The following GPATCH8 variants were observed in gnomAD, a reference collection of about 807,000 sequenced individuals.
The protein encoded by GPATCH8 is G patch domain-containing protein 8.
In GPATCH8, 18 loss-of-function variants were observed where a neutral mutation model predicts 118.3. The observed-to-expected ratio is 0.15, with a 90% CI of 0.11 to 0.23. GPATCH8 has a LOEUF of 0.23. Ranked by LOEUF, GPATCH8 falls within the 10% of genes least tolerant of loss-of-function variation. The probability of loss-of-function intolerance (pLI) is 1.00; values close to 1 mark genes in which losing one functional copy is unlikely to be tolerated. For missense variants in GPATCH8, 1,631 were observed against 1,873.8 expected (o/e 0.87, Z 2.39); for synonymous variants, 659 against 684.7 (o/e 0.96, Z 0.59).
intron 6 of GPATCH8, among the ~76,000 whole-genome samples, chr17:44,414,973 C>T (rs917912336): frequency 2.6e-5 from 4 of 152,144 alleles, no homozygotes; most frequent in East Asian, 3.9e-4. Context: ...TATCCATTTA[C>T]CAGTTGATGG....
At chr17:44,414,083 G>A (rs1305349363) in intron 6 of GPATCH8, among the ~76,000 whole-genome samples, 7 of 141,608 alleles carry the variant, frequency 4.9e-5, no homozygotes, top group Admixed American at 1.5e-4. Flanking sequence ...ATATATATGT[G>A]TGTGTATATA....
chr17:44,435,327 G>C (rs2050461425), intron 4 of GPATCH8, among the ~76,000 whole-genome samples, 176 bp from the exon 5 acceptor site: 1 of 149,262 alleles, frequency 6.7e-6, no homozygotes, highest in South Asian at 2.1e-4. Flanking sequence ...AAAATAGTTT[G>C]TTACTTTCAG....
rs761603593 is a variant in GPATCH8 at position 44,395,892 on chromosome 17, T to C, written c.*1676A>G. The C allele has an allele frequency of 6.1e-4, 279 of 454,090 alleles. 2 individuals are homozygous for C. Among genetic ancestry groups the C allele is most frequent in the Middle Eastern group, 6.9e-4 (1 of 1,444 alleles). 28.1% of individuals were successfully genotyped at this position (454,090 alleles called of 1,614,324 possible). A position where few individuals can be genotyped will look rare whatever the true frequency, so the allele number is the denominator to read the frequency against. On this transcript the variant is annotated 3_prime_UTR_variant, in exon 8 of 8. Coordinates refer to ENST00000591680, the MANE Select transcript of GPATCH8 (RefSeq NM_001002909.4). ...CAACACAAGCACCTTTGGGTCAGTG[T>C]GTTAATTAGGGCTGAGAGCCTGGGT...
chr17:44,435,229 C>T lies in GPATCH8; in HGVS notation c.262-78G>A. 3 of 766,044 alleles carry T rather than the reference C, an allele frequency of 3.9e-6. No homozygotes were observed. In the South Asian group the frequency reaches 4.2e-5, roughly 11 times the overall value. The allele number at this position is 766,044 out of a possible 1,614,324, so 47.5% of individuals were successfully genotyped here. On this transcript the variant is annotated intron_variant, in intron 4 of 7. Transcript: ENST00000591680. ...AGCTATGAAAAAGTTATTTGCACAA[C>T]TACAGTATTATCTGAAAACAAAAAA...
chr17:44,460,787 C>A (rs1281403795), intron 3 of GPATCH8, among the ~76,000 whole-genome samples: 1 of 152,076 alleles, frequency 6.6e-6, no homozygotes, highest in African/African-American at 2.4e-5. Context: ...AGTGACAGGG[C>A]TTTTTTGAAT....
intron 1 of GPATCH8, among the ~76,000 whole-genome samples, chr17:44,501,796 G>A (rs1286533919): frequency 6.6e-6 from 1 of 152,100 alleles, no homozygotes; most frequent in Non-Finnish European, 1.5e-5. Context: ...AGGTCACCTT[G>A]AGATTATTCT....
At chr17:44,442,714 C>T (rs1028260241) in intron 3 of GPATCH8, among the ~76,000 whole-genome samples, 1 of 152,208 alleles carries the variant, frequency 6.6e-6, no homozygotes, top group Non-Finnish European at 1.5e-5. Flanking sequence ...ATCTGCTCAC[C>T]TCAGCCTCCA....
In GPATCH8 at chr17:44,396,147, T is replaced by TA. The variant is rs750617614; in HGVS notation, c.*1420dup. The TA allele has an allele frequency of 2.4e-4, 99 of 416,416 alleles. No homozygotes were observed. Among genetic ancestry groups the TA allele is most frequent in the Middle Eastern group, 7.7e-4 (1 of 1,296 alleles). The allele number at this position is 416,416 out of a possible 1,614,324, so 25.8% of individuals were successfully genotyped here. Reference sequence around the variant, plus strand: ...GTTTCTACCAACCCAAAAGGCACATTAAAAAAAAAATTGTCAGAGGGGGCT... The same window carrying TA: ...GTTTCTACCAACCCAAAAGGCACATTAAAAAAAAAAATTGTCAGAGGGGGCT... On this transcript the variant is annotated 3_prime_UTR_variant, in exon 8 of 8. Transcript: ENST00000591680.
intron 1 of GPATCH8, among the ~76,000 whole-genome samples, chr17:44,491,379 C>T (rs1969229435): frequency 6.6e-6 from 1 of 150,780 alleles, no homozygotes; most frequent in African/African-American, 2.4e-5. Context: ...ATCCCAGCTG[C>T]TTGGGAGGCT....
chr17:44,442,834 T>TGTG (rs2050749087), intron 3 of GPATCH8, among the ~76,000 whole-genome samples: 1 of 152,156 alleles, frequency 6.6e-6, no homozygotes, highest in African/African-American at 2.4e-5. Context: ...TCCCAGCACT[T>TGTG]GGGGAGGCCA....
chr17:44,482,770 T>C (rs1278221870), intron 1 of GPATCH8, among the ~76,000 whole-genome samples: 1 of 151,846 alleles, frequency 6.6e-6, no homozygotes, highest in Non-Finnish European at 1.5e-5. Context: ...AAGTCAATAC[T>C]ACTGCATGTT....
chr17:44,427,141 T>C (rs2050119212), intron 5 of GPATCH8, among the ~76,000 whole-genome samples: 1 of 151,726 alleles, frequency 6.6e-6, no homozygotes, highest in African/African-American at 2.4e-5. Context: ...AGTAGTGCAA[T>C]TACAGTTCAC....
At chr17:44,486,504 TG>T (rs1458880997) in intron 1 of GPATCH8, 4 of 152,224 alleles carry the variant, frequency 2.6e-5, no homozygotes, top group Admixed American at 6.5e-5. Context: ...TAACAATTTT[TG>T]TAATAACTTT....
intron 3 of GPATCH8, among the ~76,000 whole-genome samples, chr17:44,438,167 G>T (rs1325632533): frequency 6.6e-6 from 1 of 152,124 alleles, no homozygotes; most frequent in East Asian, 1.9e-4. Flanking sequence ...CTCAGTCAGG[G>T]ATTTACTGGT....
intron 1 of GPATCH8, among the ~76,000 whole-genome samples, chr17:44,490,231 C>A (rs571908048): frequency 2.1e-4 from 32 of 151,886 alleles, no homozygotes; most frequent in Non-Finnish European, 4.4e-4. Context: ...TCCCTTGAGT[C>A]CAGGAGTTGG....
intron 6 of GPATCH8, among the ~76,000 whole-genome samples, chr17:44,411,770 A>G (rs1007069711): frequency 6.6e-6 from 1 of 152,224 alleles, no homozygotes; most frequent in Non-Finnish European, 1.5e-5. Context: ...ATGTACACAT[A>G]GTTGTCTATG....
At chr17:44,418,283 T>C (rs1374011240) in intron 6 of GPATCH8, among the ~76,000 whole-genome samples, 2 of 152,176 alleles carry the variant, frequency 1.3e-5, no homozygotes, top group African/African-American at 4.8e-5. Context: ...TTTAGGCCTC[T>C]TGAAATGCTA....
intron 3 of GPATCH8, among the ~76,000 whole-genome samples, chr17:44,442,662 A>G (rs557488669): frequency 4.6e-5 from 7 of 152,214 alleles, no homozygotes; most frequent in Non-Finnish European, 1.0e-4. Context: ...ATGGGGTTTC[A>G]CCATATTGCT....
intron 1 of GPATCH8, among the ~76,000 whole-genome samples, chr17:44,482,573 C>CAAAAAAAAAA (rs376299230): frequency 1.0e-5 from 1 of 97,086 alleles, no homozygotes; most frequent in Non-Finnish European, 2.1e-5. Flanking sequence ...GACTCCATCT[C>CAAAAAAAAAA]AAAAAAAAAA....
Sources: gnomAD v4.1 joint callset for allele counts (sites outside exome capture counted in the v4.1 genomes callset) on GRCh38, gnomAD v4.1.1 for gene constraint, MANE v1.5 for transcripts, NCBI Gene and HGNC (gene_info 2026-07-23, HGNC 2026-07-21) for gene names.